Variants in KCNIP4 observed in about 807,000 individuals in gnomAD.
KCNIP4 encodes Kv channel-interacting protein 4.
A neutral mutation model predicts 34.0 loss-of-function variants in KCNIP4; 12 were observed. That is an observed-to-expected ratio of 0.35 (90% CI 0.23 to 0.57). The LOEUF (loss-of-function observed/expected upper bound fraction) is 0.57, where lower values mean the gene tolerates loss of function less well. Ranked by LOEUF, KCNIP4 falls within the 20% of genes least tolerant of loss-of-function variation. The probability of loss-of-function intolerance (pLI) is 0.83; values close to 1 mark genes in which losing one functional copy is unlikely to be tolerated. For missense variants in KCNIP4, 238 were observed against 311.7 expected, an observed-to-expected ratio of 0.76 and a Z score of 1.78; for synonymous variants, 124 against 102.2, an observed-to-expected ratio of 1.21 and a Z score of -1.29.
chr4:21,291,914 AGAAAGAAAGAAAGAAAG>A (rs1763531585), intron 1 of KCNIP4, among the ~76,000 whole-genome samples: 2 of 92,364 alleles, frequency 2.2e-5, no homozygotes, highest in Non-Finnish European at 3.9e-5. Flanking sequence ...AAAGAAAGAA[AGAAAGAAAGAAAGAAAG>A]AAAGAAAAAA....
At chr4:20,740,917 C>G (rs1315926542) in intron 5 of KCNIP4, among the ~76,000 whole-genome samples, 1 of 152,054 alleles carries the variant, frequency 6.6e-6, no homozygotes, top group Non-Finnish European at 1.5e-5. Context: ...GCAGGGGTTG[C>G]AATCCTAGTC....
chr4:21,112,404 T>G (rs75334472), intron 1 of KCNIP4, among the ~76,000 whole-genome samples: 2,554 of 152,310 alleles, frequency 0.017, 75 homozygotes, highest in African/African-American at 0.056. Context: ...CCACTTTGTA[T>G]GCGGATGGAG....
chr4:21,806,151 C>T (rs1721280492), intron 1 of KCNIP4, among the ~76,000 whole-genome samples: 1 of 152,134 alleles, frequency 6.6e-6, no homozygotes, highest in East Asian at 1.9e-4. Flanking sequence ...GGACCTCTTC[C>T]AAACGAAGCT....
At chr4:21,215,488 T>G (rs1488832882) in intron 1 of KCNIP4, among the ~76,000 whole-genome samples, 1 of 152,228 alleles carries the variant, frequency 6.6e-6, no homozygotes, top group African/African-American at 2.4e-5. Context: ...AAACATCACT[T>G]TCTCAGAAGC....
At chr4:21,844,277 T>A (rs901676599) in intron 1 of KCNIP4, 1 of 151,996 alleles carries the variant, frequency 6.6e-6, no homozygotes, top group Non-Finnish European at 1.5e-5. Context: ...CATGGAAAAA[T>A]TGATTATCAT....
At chr4:21,260,749 G>A (rs1348113304) in intron 1 of KCNIP4, among the ~76,000 whole-genome samples, 1 of 152,152 alleles carries the variant, frequency 6.6e-6, no homozygotes, top group East Asian at 1.9e-4. Context: ...GATGATGTAG[G>A]TAAGTGGGCC....
intron 2 of KCNIP4, among the ~76,000 whole-genome samples, chr4:20,853,178 G>T (rs771512916): frequency 1.3e-5 from 2 of 152,044 alleles, no homozygotes; most frequent in East Asian, 3.9e-4. Context: ...TGGCCTCATA[G>T]AAAAAGCAAG....
At chr4:21,172,528 A>T (rs1754088333) in intron 1 of KCNIP4, among the ~76,000 whole-genome samples, 1 of 152,144 alleles carries the variant, frequency 6.6e-6, no homozygotes, top group African/African-American at 2.4e-5. Context: ...TGCTACTTTT[A>T]TTGCCTCTCC....
chr4:20,850,005 G>A (rs1362269426), intron 3 of KCNIP4, among the ~76,000 whole-genome samples: 1 of 152,178 alleles, frequency 6.6e-6, no homozygotes, highest in Non-Finnish European at 1.5e-5. Context: ...ATTCCCTTTT[G>A]AAGATGGTTC....
intron 1 of KCNIP4, among the ~76,000 whole-genome samples, chr4:21,438,365 G>A (rs915789656): frequency 6.6e-6 from 1 of 152,152 alleles, no homozygotes; most frequent in East Asian, 1.9e-4. Flanking sequence ...ATAGAGATAT[G>A]TGATCTTTTT....
At chr4:21,048,591 T>C (rs950899027) in intron 1 of KCNIP4, among the ~76,000 whole-genome samples, 4 of 152,162 alleles carry the variant, frequency 2.6e-5, no homozygotes, top group Non-Finnish European at 5.9e-5. Context: ...TCCATGCCAA[T>C]AAGATCAAGT....
At chr4:21,806,321 G>C (rs1841187) in intron 1 of KCNIP4, among the ~76,000 whole-genome samples, 115,546 of 152,064 alleles carry the variant, frequency 0.76, 47,137 homozygotes, top group East Asian at 0.89. Flanking sequence ...CTGAAAAGAA[G>C]ATCTATGTCT....
chr4:21,415,320 T>C (rs1285099910), intron 1 of KCNIP4, among the ~76,000 whole-genome samples: 2 of 152,134 alleles, frequency 1.3e-5, no homozygotes, highest in African/African-American at 2.4e-5. Flanking sequence ...GAGGAGCTAC[T>C]TTCTGTCCAT....
At chr4:21,319,753 C>T (rs1663141977) in intron 1 of KCNIP4, among the ~76,000 whole-genome samples, 2 of 152,168 alleles carry the variant, frequency 1.3e-5, no homozygotes, top group Admixed American at 6.5e-5. Flanking sequence ...AAAAACTTTT[C>T]CACAACAATC....
At chr4:21,632,542 T>C (rs1745840792) in intron 1 of KCNIP4, among the ~76,000 whole-genome samples, 1 of 152,178 alleles carries the variant, frequency 6.6e-6, no homozygotes, top group South Asian at 2.1e-4. Context: ...ATCTTTATAA[T>C]AACCTCCTCT....
chr4:21,388,261 A>G (rs908193233), intron 1 of KCNIP4, among the ~76,000 whole-genome samples: 4 of 150,022 alleles, frequency 2.7e-5, no homozygotes, highest in African/African-American at 9.7e-5. Flanking sequence ...GTAACCATAT[A>G]TAATAAATAT....
chr4:21,459,585 A>C (rs2109770374), intron 1 of KCNIP4, among the ~76,000 whole-genome samples: 1 of 152,056 alleles, frequency 6.6e-6, no homozygotes, highest in Non-Finnish European at 1.5e-5. Flanking sequence ...AGACTCATAC[A>C]TCCAATTGCC....
chr4:21,149,346 C>A (rs945288026), intron 1 of KCNIP4, among the ~76,000 whole-genome samples: 1 of 152,044 alleles, frequency 6.6e-6, no homozygotes, highest in Admixed American at 6.5e-5. Flanking sequence ...CTCCAAAAAC[C>A]ACATAACTGG....
At chr4:21,466,820 A>T (rs929097047) in intron 1 of KCNIP4, among the ~76,000 whole-genome samples, 72 of 152,124 alleles carry the variant, frequency 4.7e-4, no homozygotes, top group African/African-American at 1.6e-3. Flanking sequence ...TCCCCACCCT[A>T]CAATCGCAGT....
Sources: allele counts gnomAD v4.1 joint callset (sites outside exome capture counted in the v4.1 genomes callset), GRCh38; gene constraint gnomAD v4.1.1; transcripts MANE v1.5; gene names NCBI Gene and HGNC (gene_info 2026-07-23, HGNC 2026-07-21).